Variants in MACROD2 observed in about 807,000 individuals in gnomAD.
MACROD2 encodes ADP-ribose glycohydrolase MACROD2.
In MACROD2, 36 loss-of-function variants were observed where a neutral mutation model predicts 70.4. That is an observed-to-expected ratio of 0.51 (90% confidence interval 0.39 to 0.68). The LOEUF (loss-of-function observed/expected upper bound fraction) is 0.68, where lower values mean the gene tolerates loss of function less well. Ranked by LOEUF, MACROD2 falls within the 30% of genes least tolerant of loss-of-function variation. The pLI is 0.00. For missense variants in MACROD2, 496 were observed against 538.4 expected (o/e 0.92, Z 0.78); for synonymous variants, 172 against 178.8 (o/e 0.96, Z 0.30).
intron 8 of MACROD2, among the ~76,000 whole-genome samples, chr20:15,858,254 A>G (rs1425165409): frequency 6.7e-6 from 1 of 149,858 alleles, no homozygotes; most frequent in Non-Finnish European, 1.5e-5. Flanking sequence ...AAGAACCACT[A>G]TTTCACAAAA....
At chr20:14,052,086 G>C in intron 2 of MACROD2, 1 of 381,778 alleles carries the variant, frequency 2.6e-6, no homozygotes, top group Non-Finnish European at 5.2e-6. Flanking sequence ...CTCTTTCTTG[G>C]AAGAGTGGGT....
chr20:14,053,610 C>T (rs1210230714), intron 2 of MACROD2: 1 of 152,102 alleles, frequency 6.6e-6, no homozygotes, highest in Non-Finnish European at 1.5e-5. Flanking sequence ...TACTTCACTT[C>T]CACTTTAAAA....
intron 6 of MACROD2, among the ~76,000 whole-genome samples, chr20:15,283,235 A>G (rs1483097947): frequency 2.0e-5 from 3 of 152,194 alleles, no homozygotes; most frequent in Admixed American, 2.0e-4. Flanking sequence ...CCAGACCCTA[A>G]TTAATCTTGA....
chr20:15,965,042 A>T (rs903914098), intron 12 of MACROD2, among the ~76,000 whole-genome samples: 2 of 152,302 alleles, frequency 1.3e-5, no homozygotes, highest in Non-Finnish European at 1.5e-5. Flanking sequence ...CTGCAATGGC[A>T]TGTTTCTAAG....
chr20:14,890,189 GGA>G (rs1349367787), intron 5 of MACROD2, among the ~76,000 whole-genome samples: 1 of 152,072 alleles, frequency 6.6e-6, no homozygotes, highest in East Asian at 1.9e-4. Flanking sequence ...ATATAAGTCA[GGA>G]GAGAGATCTG....
intron 8 of MACROD2, 96 bp downstream of exon 8, chr20:15,499,943 A>C (rs77919071): frequency 0.021 from 24,630 of 1,160,944 alleles, 338 homozygotes; most frequent in Non-Finnish European, 0.026. Flanking sequence ...AATATCAACT[A>C]CACCTAGTCA....
At chr20:15,056,786 C>A (rs2075489449) in intron 5 of MACROD2, among the ~76,000 whole-genome samples, 1 of 152,042 alleles carries the variant, frequency 6.6e-6, no homozygotes, top group African/African-American at 2.4e-5. Flanking sequence ...GATGTAACAG[C>A]AAAGAGATTT....
At chr20:14,146,165 AC>A (rs1478366744) in intron 3 of MACROD2, among the ~76,000 whole-genome samples, 1 of 152,052 alleles carries the variant, frequency 6.6e-6, no homozygotes, top group Non-Finnish European at 1.5e-5. Flanking sequence ...TACTAAAAAT[AC>A]AAAAAATTAG....
chr20:15,589,115 C>T (rs2146664371), intron 8 of MACROD2, among the ~76,000 whole-genome samples: 1 of 152,314 alleles, frequency 6.6e-6, no homozygotes, highest in Admixed American at 6.5e-5. Context: ...GCACTTCTTA[C>T]ATGGCGGCAG....
At chr20:15,441,749 A>G (rs1795037707) in intron 7 of MACROD2, among the ~76,000 whole-genome samples, 1 of 152,184 alleles carries the variant, frequency 6.6e-6, no homozygotes, top group Non-Finnish European at 1.5e-5. Flanking sequence ...GAAGCCTGGA[A>G]GGCATCACTG....
At chr20:14,230,198 G>C (rs1160816410) in intron 3 of MACROD2, among the ~76,000 whole-genome samples, 1 of 152,138 alleles carries the variant, frequency 6.6e-6, no homozygotes, top group African/African-American at 2.4e-5. Context: ...CAACAGGGAA[G>C]TTTGGTGTGG....
intron 3 of MACROD2, among the ~76,000 whole-genome samples, chr20:14,454,841 C>T (rs575295264): frequency 1.3e-5 from 2 of 149,966 alleles, no homozygotes; most frequent in South Asian, 2.1e-4. Flanking sequence ...CAAGCTCCGC[C>T]TCCCGGGCTC....
rs138787911 is a variant in MACROD2 at position 15,062,126 on chromosome 20, G to C, written c.419-167814G>C. 3.3e-4 allele frequency among the ~76,000 whole-genome samples: 51 copies of C among 152,264 alleles called. No homozygotes were observed. The East Asian group carries it at 9.1e-3, about 27-fold the overall frequency. ...GATGAAGAATGGGGGAGTGCTTCTA[G>C]TGGAAAGGAATTTGGCCTTGTGCGT... On this transcript the variant is annotated intron_variant, in intron 5 of 17. Transcript: ENST00000684519.
At chr20:15,664,475 CG>C (rs1043332811) in intron 8 of MACROD2, among the ~76,000 whole-genome samples, 1 of 152,122 alleles carries the variant, frequency 6.6e-6, no homozygotes, top group African/African-American at 2.4e-5. Context: ...GCTATTTTTG[CG>C]TAACACCCCC....
chr20:14,402,801 T>TG (rs1049664206), intron 3 of MACROD2, among the ~76,000 whole-genome samples: 2 of 152,134 alleles, frequency 1.3e-5, no homozygotes, highest in African/African-American at 4.8e-5. Flanking sequence ...TTCAGAGTCT[T>TG]GGGGTATTCA....
intron 8 of MACROD2, among the ~76,000 whole-genome samples, chr20:15,573,767 C>T (rs908351595): frequency 2.6e-5 from 4 of 152,064 alleles, no homozygotes; most frequent in Non-Finnish European, 5.9e-5. Flanking sequence ...CACCACACAC[C>T]CTTATTCCTC....
At chr20:15,015,043 CT>C (rs2075110936) in intron 5 of MACROD2, among the ~76,000 whole-genome samples, 2 of 152,152 alleles carry the variant, frequency 1.3e-5, no homozygotes, top group South Asian at 4.2e-4. Flanking sequence ...CTATTTGAAT[CT>C]TTTTAGAATG....
At chr20:15,324,085 A>AT (rs913963147) in intron 6 of MACROD2, among the ~76,000 whole-genome samples, 50 of 150,988 alleles carry the variant, frequency 3.3e-4, no homozygotes, top group East Asian at 2.1e-3. Flanking sequence ...TACTTGCCCC[A>AT]TTTTTTTTTA....
rs2085350396 is a variant in MACROD2 at position 14,535,310 on chromosome 20, C to T, written c.301+41802C>T. 2.6e-5 allele frequency among the ~76,000 whole-genome samples: 4 copies of T among 151,824 alleles called. No individual in the cohort carries two copies. The South Asian group carries it at 8.3e-4, about 32-fold the overall frequency. ...CCTGAGATCAGGAGTTCAAGACCAG[C>T]CTGGCCAACATGGTGAAACCCCATC... On this transcript the variant is annotated intron_variant, in intron 4 of 17. Coordinates refer to ENST00000684519, the MANE Select transcript of MACROD2 (RefSeq NM_001351661.2).
Sources: gnomAD v4.1 joint callset for allele counts (sites outside exome capture counted in the v4.1 genomes callset) on GRCh38, gnomAD v4.1.1 for gene constraint, MANE v1.5 for transcripts, NCBI Gene and HGNC (gene_info 2026-07-23, HGNC 2026-07-21) for gene names.